RBM7: variants seen among roughly 807,000 people sequenced by gnomAD.
RBM7 encodes RNA-binding protein 7.
Under a neutral mutation model 31.0 loss-of-function variants are expected in RBM7, and 13 were observed. That is an observed-to-expected ratio of 0.42 (90% CI 0.27 to 0.67). The LOEUF is 0.67. RBM7 is among the 30% of genes least tolerant of loss of function. RBM7 has a pLI of 0.24. For synonymous variants in RBM7, 106 were observed against 111.2 expected (o/e 0.95, Z 0.30); for missense variants, 245 against 326.2 (o/e 0.75, Z 1.92).
At position 114,405,775 on chromosome 11, in the gene RBM7, A is replaced by C; in HGVS notation, c.417A>C (p.Pro139=). 3 of 1,605,542 alleles carry C rather than the reference A, an allele frequency of 1.9e-6. No individual in the cohort carries two copies. The highest frequency in any genetic ancestry group is 2.6e-6 in the Non-Finnish European group (3 of 1,175,350). ...AQIIQRSFSS[P]ENFQRQAVMN... is the part of the protein sequence containing the mutation. ...TAATTCAGAGATCTTTCTCTTCTCCAGAAAATTTTCAGAGACAAGCAGTGG... is the reference window on the plus strand; with the variant it reads ...TAATTCAGAGATCTTTCTCTTCTCCCGAAAATTTTCAGAGACAAGCAGTGG... The change falls in exon 4 of 5, where the codon CCA becomes CCC. Residue 139 remains proline (P), a synonymous_variant. Coordinates refer to ENST00000375490, the MANE Select transcript of RBM7 (RefSeq NM_001286045.2).
intron 2 of RBM7, among the ~76,000 whole-genome samples, 169 bp from the exon 3 acceptor site, chr11:114,402,659 C>T (rs1030185184): frequency 6.6e-6 from 1 of 151,986 alleles, no homozygotes; most frequent in African/African-American, 2.4e-5. Context: ...CCCACGTCAG[C>T]CTCCCAAAGT....
rs748265184 is a variant in RBM7, at chr11:114,407,609, A to C, written c.606A>C (p.Arg202Ser). The C allele has an allele frequency of 1.8e-5, 29 of 1,614,024 alleles. No homozygotes were observed. Among genetic ancestry groups the C allele is most frequent in the Admixed American group, 6.7e-5 (4 of 60,002 alleles). Residue 202 changes from arginine (R) to serine (S), a missense_variant, in exon 5 of 5, where the codon AGA (arginine) becomes AGC (serine). Transcript: ENST00000375490. ...QGTPSSQRKV[R>S]MNSYPYLADR... Reference sequence around the variant, plus strand: ...CACCATCATCACAGCGTAAAGTCAGAATGAATTCTTATCCCTACCTAGCAG... The same window carrying C: ...CACCATCATCACAGCGTAAAGTCAGCATGAATTCTTATCCCTACCTAGCAG...
intron 2 of RBM7, among the ~76,000 whole-genome samples, chr11:114,402,440 G>T (rs1946217926): frequency 9.1e-6 from 1 of 110,296 alleles, no homozygotes; most frequent in African/African-American, 3.4e-5. Flanking sequence ...GTCTTGCCCT[G>T]TTGCCTAGGC....
intron 1 of RBM7, 147 bp downstream of exon 1, chr11:114,400,914 C>G (rs887545390): frequency 1.2e-6 from 1 of 827,994 alleles, no homozygotes; most frequent in Non-Finnish European, 1.9e-6. Context: ...TTGCGAAACG[C>G]TCGCTGGGTG....
chr11:114,405,862 C>A, intron 4 of RBM7, 63 bp downstream of exon 4: 1 of 1,184,436 alleles, frequency 8.4e-7, no homozygotes, highest in Non-Finnish European at 1.2e-6. Context: ...AAAATGTTCG[C>A]ATTGTATCAA....
chr11:114,406,798 G>A (rs1452456823), intron 4 of RBM7: 1 of 152,328 alleles, frequency 6.6e-6, no homozygotes, highest in Non-Finnish European at 1.5e-5. Context: ...TTGGGAGGCT[G>A]AGGTGGGTGG....
rs184295929 is a variant in RBM7 at position 114,409,116 on chromosome 11, G to A, written c.*1309G>A. ...AGTGACCCCTCGATTATAGCTTGGA[G>A]TACTTTAGTTACCCTCAGTGGTCTC... On this transcript the variant is annotated 3_prime_UTR_variant, in exon 5 of 5. Coordinates refer to ENST00000375490, the MANE Select transcript of RBM7 (RefSeq NM_001286045.2). 1 of 152,180 alleles carries A rather than the reference G, an allele frequency of 6.6e-6. No individual in the cohort carries two copies. The highest frequency in any genetic ancestry group is 1.9e-4 in the East Asian group (1 of 5,182). 9.4% of individuals were successfully genotyped at this position (152,180 alleles called of 1,614,324 possible).
intron 3 of RBM7, among the ~76,000 whole-genome samples, chr11:114,404,775 T>C (rs1946244304): frequency 6.6e-6 from 1 of 152,152 alleles, no homozygotes; most frequent in Non-Finnish European, 1.5e-5. Flanking sequence ...TAAATTGTAC[T>C]GCCCCCCTCA....
Position 114,409,955 on chromosome 11 carries a change from G to A in RBM7, c.*2148G>A, listed in dbSNP as rs1282928672. On this transcript the variant is annotated 3_prime_UTR_variant, in exon 5 of 5. Transcript: ENST00000375490. The stretch of plus-strand genomic sequence containing the variant: ...CCCTTATTCAAAATGCTTGAGAAGT[G>A]TTTTGGGTTCTGGAATATTTGCATT... 6.6e-6 allele frequency: 1 copy of A among 152,136 alleles called. No individual in the cohort carries two copies. The highest frequency in any genetic ancestry group is 1.5e-5 in the Non-Finnish European group (1 of 68,034). The allele number at this position is 152,136 out of a possible 1,614,324, so 9.4% of individuals were successfully genotyped here. A position where few individuals can be genotyped will look rare whatever the true frequency, so the allele number is the denominator to read the frequency against.
rs1441234740 is a variant in RBM7, at chr11:114,401,994, A to T, written c.259+134A>T. 1.7e-5 allele frequency: 14 copies of T among 836,828 alleles called. No homozygotes were observed. In the East Asian group the frequency reaches 3.5e-4, roughly 21 times the overall value. 51.8% of individuals were successfully genotyped at this position (836,828 alleles called of 1,614,324 possible). ...GTGAATAGTAAACTTTATATAGCAA[A>T]CTTTATATATCCCTGAAAACGGGTA... On this transcript the variant is annotated intron_variant, in intron 2 of 4. Transcript: ENST00000375490.
At chr11:114,407,191 A>C (rs1591200282) in intron 4 of RBM7, 2 of 333,238 alleles carry the variant, frequency 6.0e-6, no homozygotes, top group Admixed American at 9.2e-5. Flanking sequence ...TGTTTTTTAC[A>C]CAGTGATTTT....
chr11:114,401,574 AT>A, intron 1 of RBM7, 123 bp from the exon 2 acceptor site: 1 of 818,078 alleles, frequency 1.2e-6, no homozygotes, highest in Non-Finnish European at 1.8e-6. Context: ...TCCGTGCATC[AT>A]TTTCAAAAGA....
intron 3 of RBM7, among the ~76,000 whole-genome samples, chr11:114,404,873 A>G (rs1946245756): frequency 6.6e-6 from 1 of 152,256 alleles, no homozygotes; most frequent in Non-Finnish European, 1.5e-5. Flanking sequence ...TTGATTCTAA[A>G]GACATTTAAA....
At position 114,407,472 on chromosome 11, in the gene RBM7, T is replaced by C; in HGVS notation, c.469T>C (p.Tyr157His). The change falls in exon 5 of 5, where the codon TAT becomes CAT. Residue 157 changes from tyrosine to histidine, a missense_variant. Coordinates refer to ENST00000375490, the MANE Select transcript of RBM7 (RefSeq NM_001286045.2). Reference sequence around the variant, plus strand: ...GAACAGTGCTTTGAGACAAATGTCATATGGTGGAAAATTTGGTTCTTCACC... The same window carrying C: ...GAACAGTGCTTTGAGACAAATGTCACATGGTGGAAAATTTGGTTCTTCACC... ...VMNSALRQMSYGGKFGSSPLD... is the reference protein window; with the variant it reads ...VMNSALRQMSHGGKFGSSPLD... 1 of 1,613,760 alleles carries C rather than the reference T, an allele frequency of 6.2e-7. No individual in the cohort carries two copies. The highest frequency in any genetic ancestry group is 8.5e-7 in the Non-Finnish European group (1 of 1,179,674).
intron 4 of RBM7, 39 bp from the exon 5 acceptor site, chr11:114,407,406 T>C (rs1946278759): frequency 1.3e-6 from 2 of 1,566,178 alleles, no homozygotes; most frequent in Non-Finnish European, 1.7e-6. Flanking sequence ...AGCTTTGATA[T>C]CTAGAAGTAT....
Position 114,400,746 on chromosome 11 carries a change from C to T in RBM7, c.75C>T (p.Leu25=), listed in dbSNP as rs1946187024. Residue 25 remains leucine, a synonymous_variant, in exon 1 of 5, where the codon CTC becomes CTT. Transcript: ENST00000375490. ...GNLETKVTEE[L]LFELFHQAGP... ...TTGAAACGAAAGTGACCGAGGAGCT[C>T]CTTTTCGAGCTTTTCCACCAGGTAA... 1.2e-6 allele frequency: 2 copies of T among 1,614,226 alleles called. No individual in the cohort carries two copies. The highest frequency in any genetic ancestry group is 1.7e-6 in the Non-Finnish European group (2 of 1,180,038).
chr11:114,403,667 A>G (rs1490562215), intron 3 of RBM7, among the ~76,000 whole-genome samples: 1 of 152,170 alleles, frequency 6.6e-6, no homozygotes, highest in African/African-American at 2.4e-5. Flanking sequence ...TACATATATG[A>G]TTTCATTTAT....
At chr11:114,404,782 C>G (rs1022105906) in intron 3 of RBM7, among the ~76,000 whole-genome samples, 6 of 152,080 alleles carry the variant, frequency 3.9e-5, no homozygotes, top group African/African-American at 1.4e-4. Flanking sequence ...TACTGCCCCC[C>G]TCAGCATACA....
rs976025418 is a variant in RBM7, at chr11:114,408,303, A to T, written c.*496A>T. 1 of 153,156 alleles carries T rather than the reference A, an allele frequency of 6.5e-6. No individual in the cohort carries two copies. Among genetic ancestry groups the T allele is most frequent in the Non-Finnish European group, 1.5e-5 (1 of 68,320 alleles). 9.5% of individuals were successfully genotyped at this position (153,156 alleles called of 1,614,324 possible). On this transcript the variant is annotated 3_prime_UTR_variant, in exon 5 of 5. Transcript: ENST00000375490. ...GGATAAAGGCATTGCTTAACTTCTT[A>T]TATAATTTAGGTATAAATTCTGTGA...
Sources: allele counts gnomAD v4.1 joint callset (sites outside exome capture counted in the v4.1 genomes callset), GRCh38; gene constraint gnomAD v4.1.1; transcripts MANE v1.5; gene names NCBI Gene and HGNC (gene_info 2026-07-23, HGNC 2026-07-21).